Variants in TNKS2 observed in about 807,000 individuals in gnomAD.
TNKS2 encodes poly [ADP-ribose] polymerase tankyrase-2.
TNKS2 carries 72 observed loss-of-function variants against 137.6 expected under a neutral mutation model. That is an observed-to-expected ratio of 0.52 (90% CI 0.43 to 0.64). The LOEUF is 0.64. Ranked by LOEUF, TNKS2 falls within the 30% of genes least tolerant of loss-of-function variation. TNKS2 has a pLI of 0.00. For synonymous variants in TNKS2, 516 were observed against 512.1 expected (o/e 1.01, Z -0.10); for missense variants, 1,049 against 1,410.2 (o/e 0.74, Z 4.10).
At chr10:91,838,707 G>C (rs1208034602) in intron 13 of TNKS2, among the ~76,000 whole-genome samples, 1 of 152,168 alleles carries the variant, frequency 6.6e-6, no homozygotes, top group Non-Finnish European at 1.5e-5. Flanking sequence ...TCTTATTTGG[G>C]AAGCACAGAA....
rs753952246 is a variant in TNKS2, at chr10:91,819,965, A to G, written c.660A>G (p.Gly220=). ...RKSTPLHLAA[G]YNRVKIVQLL... is the part of the protein sequence containing the mutation. ...CAACTCCATTACATTTGGCAGCAGGATATAACAGAGTAAAGATTGTACAGC... is the reference window on the plus strand; with the variant it reads ...CAACTCCATTACATTTGGCAGCAGGGTATAACAGAGTAAAGATTGTACAGC... Residue 220 remains glycine, a synonymous_variant, in exon 6 of 27, where the codon GGA becomes GGG. Coordinates refer to ENST00000371627, the MANE Select transcript of TNKS2 (RefSeq NM_025235.4). The G allele has an allele frequency of 4.4e-6, 7 of 1,592,340 alleles. No individual in the cohort carries two copies. Among genetic ancestry groups the G allele is most frequent in the South Asian group, 1.2e-5 (1 of 86,466 alleles).
At position 91,862,034 on chromosome 10, in the gene TNKS2, CT is replaced by C. The variant is rs767979282; in HGVS notation, c.3320del (p.Phe1107SerfsTer7). 1 of 1,611,576 alleles carries C rather than the reference CT, an allele frequency of 6.2e-7. No homozygotes were observed. The highest frequency in any genetic ancestry group is 8.5e-7 in the Non-Finnish European group (1 of 1,178,632). On this transcript the variant is annotated frameshift_variant, in exon 26 of 27. Transcript: ENST00000371627. LOFTEE classifies it high-confidence loss of function. ...TTTTGCCGGGTAACCTTGGGAAAGT[CT>C]TTCCTGCAGTTCAGTGCAATGAAAA... ...LLFCRVTLGK[S>X]FLQFSAMKMA...
intron 2 of TNKS2, among the ~76,000 whole-genome samples, chr10:91,813,870 C>G (rs1223702879): frequency 2.0e-5 from 3 of 152,134 alleles, no homozygotes; most frequent in Non-Finnish European, 4.4e-5. Context: ...AGGCATTACT[C>G]AGGTGTTTAT....
chr10:91,815,732 T>G (rs1439083631), intron 2 of TNKS2, among the ~76,000 whole-genome samples: 1 of 152,114 alleles, frequency 6.6e-6, no homozygotes, highest in Non-Finnish European at 1.5e-5. Context: ...AATGTTAAAT[T>G]ATTTATGTGG....
chr10:91,846,881 A>G (rs1340087679), intron 18 of TNKS2, among the ~76,000 whole-genome samples: 1 of 152,236 alleles, frequency 6.6e-6, no homozygotes, highest in Non-Finnish European at 1.5e-5. Context: ...ATTAAGTTAC[A>G]ATGAAGCAAA....
chr10:91,833,390 A>G (rs551842720), intron 11 of TNKS2, among the ~76,000 whole-genome samples: 64 of 152,274 alleles, frequency 4.2e-4, no homozygotes, highest in Non-Finnish European at 8.1e-4. Context: ...CTATGTGACT[A>G]TTCCATAGTA....
intron 9 of TNKS2, 84 bp downstream of exon 9, chr10:91,828,490 A>AT (rs3832677): frequency 2.3e-6 from 3 of 1,281,114 alleles, no homozygotes; most frequent in South Asian, 2.2e-5. Flanking sequence ...TAGAACTAGC[A>AT]TTTTTTTGAG....
chr10:91,831,295 C>A, intron 11 of TNKS2, 114 bp downstream of exon 11: 2 of 978,832 alleles, frequency 2.0e-6, no homozygotes, highest in South Asian at 1.6e-5. Flanking sequence ...CTTTTTTTTC[C>A]TTATAATCTA....
At chr10:91,835,816 G>A (rs1589674065) in intron 12 of TNKS2, among the ~76,000 whole-genome samples, 2 of 149,464 alleles carry the variant, frequency 1.3e-5, no homozygotes, top group East Asian at 2.0e-4. Context: ...CCATGTTGCC[G>A]AGTCTGGTCT....
At chr10:91,842,146 T>A (rs934332272) in intron 15 of TNKS2, 26 bp from the exon 16 acceptor site, 2 of 1,536,318 alleles carry the variant, frequency 1.3e-6, no homozygotes, top group African/African-American at 2.7e-5. Flanking sequence ...CATTTCCCCC[T>A]TTTTTTCTGT....
rs540935361 is a variant in TNKS2 at position 91,850,715 on chromosome 10, G to A, written c.2695-501G>A. Among the ~76,000 whole-genome samples, 47 of 152,212 alleles carry A rather than the reference G, an allele frequency of 3.1e-4. 1 individual carries two copies. The highest frequency in any genetic ancestry group is 8.4e-4 in the African/African-American group (35 of 41,544). ...GCCTTGGCAACGAGAGTGAAACTCC[G>A]TCTCAAAAATAAAAAAACAGAAATT... On this transcript the variant is annotated intron_variant, in intron 20 of 26. Coordinates refer to ENST00000371627, the MANE Select transcript of TNKS2 (RefSeq NM_025235.4).
intron 21 of TNKS2, 36 bp from the exon 22 acceptor site, chr10:91,854,993 C>A: frequency 8.7e-7 from 1 of 1,154,232 alleles, no homozygotes; most frequent in South Asian, 1.3e-5. Flanking sequence ...TGTTTATTGG[C>A]AATTTATTTT....
intron 1 of TNKS2, among the ~76,000 whole-genome samples, chr10:91,803,329 A>T (rs1407843150): frequency 1.3e-5 from 2 of 152,070 alleles, no homozygotes; most frequent in African/African-American, 4.8e-5. Context: ...CCTGGGCAAC[A>T]ATGGTGACAC....
chr10:91,828,164 T>C, intron 8 of TNKS2, 121 bp from the exon 9 acceptor site: 1 of 1,099,144 alleles, frequency 9.1e-7, no homozygotes, highest in African/African-American at 1.6e-5. Context: ...CTTTAGAGCC[T>C]CAATCTGGCT....
At chr10:91,813,308 T>A (rs889581481) in intron 2 of TNKS2, 101 bp downstream of exon 2, 2 of 1,038,956 alleles carry the variant, frequency 1.9e-6, no homozygotes, top group Middle Eastern at 3.0e-4. Flanking sequence ...AAGCTGAATT[T>A]AAATATTTAA....
chr10:91,819,378 A>G (rs1459214897), intron 4 of TNKS2, 72 bp downstream of exon 4: 6 of 1,275,256 alleles, frequency 4.7e-6, no homozygotes, highest in Admixed American at 2.8e-5. Flanking sequence ...TTTTTTTTAC[A>G]GTAAGCAAAC....
chr10:91,807,749 C>T (rs915489567), intron 1 of TNKS2, among the ~76,000 whole-genome samples: 11 of 152,178 alleles, frequency 7.2e-5, no homozygotes, highest in Non-Finnish European at 1.5e-4. Flanking sequence ...AATCCCAGCA[C>T]TTCGGGAGGC....
intron 1 of TNKS2, among the ~76,000 whole-genome samples, chr10:91,810,480 A>G (rs1421332391): frequency 6.6e-6 from 1 of 150,984 alleles, no homozygotes; most frequent in Middle Eastern, 3.4e-3. Flanking sequence ...AGCCTAACAT[A>G]CTCCTTTCAT....
In TNKS2 at chr10:91,844,912, A is replaced by C; in HGVS notation, c.2060-7A>C. ...AGTAAAGTAATTTTACTTCTTTTCT[A>C]AATTAGCTGGTTATAATAATTTAGA... On this transcript the variant is annotated splice_region_variant and splice_polypyrimidine_tract_variant and intron_variant, in intron 16 of 26. Coordinates refer to ENST00000371627, the MANE Select transcript of TNKS2 (RefSeq NM_025235.4). The C allele has an allele frequency of 1.9e-6, 3 of 1,588,944 alleles. No homozygotes were observed. The highest frequency in any genetic ancestry group is 1.7e-6 in the Non-Finnish European group (2 of 1,163,752).
Sources: allele counts gnomAD v4.1 joint callset (sites outside exome capture counted in the v4.1 genomes callset), GRCh38; gene constraint gnomAD v4.1.1; transcripts MANE v1.5; gene names NCBI Gene and HGNC (gene_info 2026-07-23, HGNC 2026-07-21).